The following CFDP1 variants were observed in gnomAD, a reference collection of about 807,000 sequenced individuals.
CFDP1 encodes chromatin remodeling protein CFDP1.
CFDP1 carries 31 observed loss-of-function variants against 40.1 expected under a neutral mutation model. The observed-to-expected ratio is 0.77, with a 90% confidence interval of 0.58 to 1.04. The LOEUF (loss-of-function observed/expected upper bound fraction) is 1.04. CFDP1 is among the 50% of genes least tolerant of loss of function. CFDP1 has a pLI of 0.00. For missense variants in CFDP1, 423 were observed against 343.4 expected (o/e 1.23, Z -1.83); for synonymous variants, 167 against 120.0 (o/e 1.39, Z -2.56).
chr16:75,346,178 T>C (rs1018631097), intron 5 of CFDP1, among the ~76,000 whole-genome samples: 3 of 152,144 alleles, frequency 2.0e-5, no homozygotes, highest in Admixed American at 6.5e-5. Context: ...GGTGGTGAGA[T>C]TGTGTCCTGG....
intron 5 of CFDP1, among the ~76,000 whole-genome samples, chr16:75,354,597 G>T (rs546251723): frequency 6.6e-6 from 1 of 152,246 alleles, no homozygotes; most frequent in Non-Finnish European, 1.5e-5. Context: ...GGCTATGCAA[G>T]ATGTTGGGTA....
intron 4 of CFDP1, among the ~76,000 whole-genome samples, chr16:75,404,022 C>T (rs1465353657): frequency 1.3e-5 from 2 of 151,576 alleles, no homozygotes; most frequent in Admixed American, 6.6e-5. Flanking sequence ...ATCCCAGCTA[C>T]TCGGGAGGCT....
intron 5 of CFDP1, among the ~76,000 whole-genome samples, chr16:75,373,207 C>T (rs2078766682): frequency 6.6e-6 from 1 of 152,186 alleles, no homozygotes; most frequent in African/African-American, 2.4e-5. Flanking sequence ...ATTCCCAAGC[C>T]ACGTTTTTGG....
At chr16:75,369,982 C>T (rs1276207547) in intron 5 of CFDP1, among the ~76,000 whole-genome samples, 1 of 152,118 alleles carries the variant, frequency 6.6e-6, no homozygotes, top group Non-Finnish European at 1.5e-5. Context: ...CCATGTCGTC[C>T]AGGCTGGTCT....
intron 5 of CFDP1, among the ~76,000 whole-genome samples, chr16:75,330,686 C>T (rs2078439615): frequency 6.6e-6 from 1 of 152,164 alleles, no homozygotes; most frequent in Non-Finnish European, 1.5e-5. Context: ...TTTGAATTCT[C>T]TTCCTTAGGA....
At chr16:75,339,989 A>C (rs748716642) in intron 5 of CFDP1, among the ~76,000 whole-genome samples, 38 of 151,966 alleles carry the variant, frequency 2.5e-4, no homozygotes, top group Non-Finnish European at 3.7e-4. Context: ...ACTTTTTATG[A>C]TTTTTCTGGT....
At chr16:75,300,012 G>A (rs1217171516) in intron 6 of CFDP1, among the ~76,000 whole-genome samples, 21 of 152,116 alleles carry the variant, frequency 1.4e-4, no homozygotes, top group Admixed American at 1.3e-3. Context: ...AGCTCGGGGA[G>A]GGCCTGGTTA....
At chr16:75,329,585 T>C (rs1249722099) in intron 5 of CFDP1, among the ~76,000 whole-genome samples, 1 of 152,166 alleles carries the variant, frequency 6.6e-6, no homozygotes, top group Non-Finnish European at 1.5e-5. Flanking sequence ...CTTGAACACC[T>C]GAGCTCAAGC....
At chr16:75,339,870 T>C (rs542625421) in intron 5 of CFDP1, among the ~76,000 whole-genome samples, 8 of 152,306 alleles carry the variant, frequency 5.3e-5, no homozygotes, top group African/African-American at 1.9e-4. Flanking sequence ...AAGGATCTTA[T>C]AGTGGAAGAC....
chr16:75,348,758 T>C (rs993848456), intron 5 of CFDP1, among the ~76,000 whole-genome samples: 2 of 152,244 alleles, frequency 1.3e-5, no homozygotes, highest in African/African-American at 2.4e-5. Flanking sequence ...TCAGAACTCA[T>C]TAATTTCTTT....
intron 5 of CFDP1, among the ~76,000 whole-genome samples, chr16:75,309,498 C>T (rs1290431802): frequency 6.6e-6 from 1 of 151,832 alleles, no homozygotes; most frequent in African/African-American, 2.4e-5. Context: ...ATGGGGAAGT[C>T]AGAATTCCCT....
intron 5 of CFDP1, among the ~76,000 whole-genome samples, chr16:75,392,504 C>A (rs573807683): frequency 1.2e-4 from 18 of 152,112 alleles, no homozygotes; most frequent in Middle Eastern, 3.4e-3. Flanking sequence ...ATTATTTATT[C>A]TTTATTCTTT....
At chr16:75,423,379 T>G (rs1042882829) in intron 1 of CFDP1, among the ~76,000 whole-genome samples, 3 of 150,940 alleles carry the variant, frequency 2.0e-5, no homozygotes, top group Non-Finnish European at 3.0e-5. Context: ...AGCCCAGGAG[T>G]TTTAGGCTGC....
At chr16:75,307,124 T>A (rs542850837) in intron 5 of CFDP1, among the ~76,000 whole-genome samples, 1 of 152,230 alleles carries the variant, frequency 6.6e-6, no homozygotes, top group Non-Finnish European at 1.5e-5. Context: ...TGGTATCTAG[T>A]GACATGCTGT....
intron 5 of CFDP1, among the ~76,000 whole-genome samples, chr16:75,331,613 CT>C (rs1339050677): frequency 6.6e-6 from 1 of 152,160 alleles, no homozygotes; most frequent in Non-Finnish European, 1.5e-5. Context: ...TTGTTTTGAA[CT>C]TTATGTAGAT....
intron 5 of CFDP1, chr16:75,381,082 T>C (rs2078848232): frequency 6.6e-6 from 1 of 152,200 alleles, no homozygotes; most frequent in Non-Finnish European, 1.5e-5. Flanking sequence ...ACAGACTTTA[T>C]GTAAACTTAG....
intron 5 of CFDP1, among the ~76,000 whole-genome samples, chr16:75,309,834 A>C (rs925113145): frequency 1.2e-4 from 18 of 150,894 alleles, no homozygotes; most frequent in African/African-American, 4.1e-4. Flanking sequence ...AAAAAAAAAA[A>C]AAAAAAAAAA....
chr16:75,430,645 G>T (rs185602583), intron 1 of CFDP1, among the ~76,000 whole-genome samples: 1 of 152,094 alleles, frequency 6.6e-6, no homozygotes, highest in Admixed American at 6.6e-5. Flanking sequence ...CATATTTTCA[G>T]TAGAGATGGG....
chr16:75,428,510 G>A (rs184437276), intron 1 of CFDP1, among the ~76,000 whole-genome samples: 1 of 151,776 alleles, frequency 6.6e-6, no homozygotes, highest in South Asian at 2.1e-4. Flanking sequence ...CCAGCTACTC[G>A]AGAGGCTGAG....
Sources: allele counts gnomAD v4.1 joint callset (sites outside exome capture counted in the v4.1 genomes callset), GRCh38; gene constraint gnomAD v4.1.1; transcripts MANE v1.5; gene names NCBI Gene and HGNC (gene_info 2026-07-23, HGNC 2026-07-21).